Variants in RLN2 observed in about 807,000 individuals in gnomAD.
RLN2 encodes relaxin 2, also known as prorelaxin H2.
A neutral mutation model predicts 7.3 loss-of-function variants in RLN2; 10 were observed. The ratio of observed to expected loss-of-function variants is 1.36; its 90% CI spans 0.84 to 2.31. RLN2 has a LOEUF of 2.31. Among genes scored for constraint, RLN2 ranks in the 30% most tolerant of loss-of-function variants. The pLI is 0.00. For synonymous variants in RLN2, 103 were observed against 82.3 expected (o/e 1.25, Z -1.36); for missense variants, 298 against 217.6 (o/e 1.37, Z -2.32).
upstream of RLN2, among the ~76,000 whole-genome samples, chr9:5,306,576 T>C (rs1418873762): frequency 2.0e-4 from 31 of 152,084 alleles, 1 homozygote. Flanking sequence ...AAATGCAAGA[T>C]TCACAGTCTT....
chr9:5,329,322 A>AAG, the RLN2 span, among the ~76,000 whole-genome samples: 1 of 150,256 alleles, frequency 6.7e-6, no homozygotes, highest in Non-Finnish European at 1.5e-5. Context: ...AAAAAAAAAA[A>AAG]AAAAAAAGAA....
In RLN2 at chr9:5,304,393, G is replaced by C. The variant is rs1225509841; in HGVS notation, c.188C>G (p.Pro63Arg). The C allele has an allele frequency of 3.1e-6, 5 of 1,605,510 alleles. No homozygotes were observed. Among genetic ancestry groups the C allele is most frequent in the Admixed American group, 1.7e-5 (1 of 59,362 alleles). ...SKRSLSQEDA[P>R]QTPRPVAEIV... is the part of the protein sequence containing the mutation. ...ACCTGCCACTGGTCTAGGTGTCTGAGGAGCATCTTCCTGGCTCAGAGACCT... is the reference window on the plus strand; with the variant it reads ...ACCTGCCACTGGTCTAGGTGTCTGACGAGCATCTTCCTGGCTCAGAGACCT... The change falls in exon 1 of 2, where the codon CCT becomes CGT. Residue 63 changes from proline (P) to arginine (R), a missense_variant. Pro to Arg is a moderately radical substitution (Grantham distance 103). Transcript: ENST00000381627.
chr9:5,327,233 G>C, the RLN2 span, among the ~76,000 whole-genome samples: 10 of 152,122 alleles, frequency 6.6e-5, no homozygotes, highest in Non-Finnish European at 1.5e-4. Flanking sequence ...CCGCAGACCA[G>C]GAGATACCCT....
At chr9:5,320,811 G>C in the RLN2 span, among the ~76,000 whole-genome samples, 3 of 152,100 alleles carry the variant, frequency 2.0e-5, no homozygotes, top group Non-Finnish European at 4.4e-5. Flanking sequence ...CTGGAAGAAA[G>C]ATAGTTCTGT....
upstream of RLN2, among the ~76,000 whole-genome samples, chr9:5,305,986 G>C (rs1344370611): frequency 1.3e-5 from 2 of 151,814 alleles, no homozygotes; most frequent in African/African-American, 4.8e-5. Context: ...TCAAAACTGA[G>C]GTTTGAAAAC....
At chr9:5,329,549 G>C in the RLN2 span, among the ~76,000 whole-genome samples, 1 of 148,142 alleles carries the variant, frequency 6.8e-6, no homozygotes, top group Non-Finnish European at 1.5e-5. Flanking sequence ...TCAAAACAAA[G>C]GGATGGAGGA....
At chr9:5,315,164 T>C in the RLN2 span, among the ~76,000 whole-genome samples, 225 of 151,974 alleles carry the variant, frequency 1.5e-3, no homozygotes, top group Non-Finnish European at 2.3e-3. Flanking sequence ...GAATTAAAAA[T>C]AATAATCTTA....
At chr9:5,318,007 C>CGTCTGTGTGTGTGT in the RLN2 span, among the ~76,000 whole-genome samples, 2 of 147,948 alleles carry the variant, frequency 1.4e-5, no homozygotes, top group Non-Finnish European at 3.0e-5. Flanking sequence ...TGTGTGTGTG[C>CGTCTGTGTGTGTGT]GTGTGTGTGT....
chr9:5,330,541 G>A, the RLN2 span, among the ~76,000 whole-genome samples: 2 of 150,842 alleles, frequency 1.3e-5, no homozygotes, highest in East Asian at 3.9e-4. Flanking sequence ...TGGAGGCTGA[G>A]GCAGGAGAAC....
the RLN2 span, among the ~76,000 whole-genome samples, chr9:5,318,890 T>C: frequency 6.6e-6 from 1 of 151,932 alleles, no homozygotes. Flanking sequence ...ATTTCCGTTT[T>C]AAAGATTTTT....
chr9:5,330,462 C>A, the RLN2 span, among the ~76,000 whole-genome samples: 326 of 151,502 alleles, frequency 2.2e-3, 3 homozygotes, highest in African/African-American at 7.3e-3. Context: ...CACAGTGAAA[C>A]CCCATCTCTA....
In RLN2 at chr9:5,300,041, A is replaced by C. The variant is rs1827123128; in HGVS notation, c.*57T>G. The C allele has an allele frequency of 1.8e-6, 2 of 1,103,138 alleles. No individual in the cohort carries two copies. Among genetic ancestry groups the C allele is most frequent in the African/African-American group, 3.1e-5 (2 of 63,700 alleles). 68.3% of individuals were successfully genotyped at this position (1,103,138 alleles called of 1,614,324 possible). ...ATGGGACCTGATAGAAGCATCAGTG[A>C]AATGTCATTAAGAATATGTGTGAAT... On this transcript the variant is annotated 3_prime_UTR_variant, in exon 2 of 2. Coordinates refer to ENST00000381627, the MANE Select transcript of RLN2 (RefSeq NM_134441.3).
chr9:5,321,957 T>C, the RLN2 span, among the ~76,000 whole-genome samples: 257 of 152,164 alleles, frequency 1.7e-3, 5 homozygotes, highest in African/African-American at 6.1e-3. Context: ...TTCTCCTCCT[T>C]ATTTCCTTTT....
chr9:5,321,719 C>T, the RLN2 span, among the ~76,000 whole-genome samples: 37,487 of 151,116 alleles, frequency 0.25, 4,904 homozygotes, highest in East Asian at 0.4. Flanking sequence ...GGCTTGGAGG[C>T]ATCTGCCTAA....
chr9:5,329,025 C>CAA, the RLN2 span, among the ~76,000 whole-genome samples: 6 of 152,054 alleles, frequency 3.9e-5, no homozygotes, highest in East Asian at 7.7e-4. Flanking sequence ...CTGCATCGGC[C>CAA]GGGTGCGGTG....
the RLN2 span, among the ~76,000 whole-genome samples, chr9:5,313,228 T>A: frequency 6.6e-6 from 1 of 152,076 alleles, no homozygotes; most frequent in African/African-American, 2.4e-5. Context: ...CTATTAATAT[T>A]TGTGTTATGA....
chr9:5,318,504 A>T, the RLN2 span, among the ~76,000 whole-genome samples: 137 of 152,100 alleles, frequency 9.0e-4, no homozygotes, highest in Non-Finnish European at 1.7e-3. Context: ...TCTAACAGTA[A>T]TTTCTTGTTA....
the RLN2 span, among the ~76,000 whole-genome samples, chr9:5,329,107 T>C: frequency 6.6e-6 from 1 of 151,014 alleles, no homozygotes; most frequent in South Asian, 2.1e-4. Flanking sequence ...ATCGAGACCA[T>C]CCTGGCTAAC....
rs943436415 is a variant in RLN2, at chr9:5,300,544, C to T, written c.212-100G>A. ...TTGCATAGACAAAAAAGCATTGCCT[C>T]AGTATAAATTAAACATTGAAACAAA... On this transcript the variant is annotated intron_variant, in intron 1 of 1. Transcript: ENST00000381627. 7.9e-6 allele frequency: 6 copies of T among 759,004 alleles called. No individual in the cohort carries two copies. The Admixed American group carries it at 1.8e-4, about 22-fold the overall frequency. 47.0% of individuals were successfully genotyped at this position (759,004 alleles called of 1,614,324 possible).
Sources: gnomAD v4.1 joint callset for allele counts (sites outside exome capture counted in the v4.1 genomes callset) on GRCh38, gnomAD v4.1.1 for gene constraint, MANE v1.5 for transcripts, NCBI Gene and HGNC (gene_info 2026-07-23, HGNC 2026-07-21) for gene names.